SASH1: variants seen among roughly 807,000 people sequenced by gnomAD.
SASH1 encodes SAM and SH3 domain-containing protein 1.
SASH1 carries 44 observed loss-of-function variants against 125.2 expected under a neutral mutation model. That is an observed-to-expected ratio of 0.35 (90% confidence interval 0.28 to 0.45). The LOEUF (loss-of-function observed/expected upper bound fraction) is 0.45, where lower values mean the gene tolerates loss of function less well. Among genes scored for constraint, SASH1 ranks in the 20% least tolerant of loss-of-function variants. The probability of loss-of-function intolerance (pLI) is 1.00; values close to 1 mark genes in which losing one functional copy is unlikely to be tolerated. For missense variants in SASH1, 1,426 were observed against 1,614.5 expected, an observed-to-expected ratio of 0.88 and a Z score of 2.00; for synonymous variants, 639 against 649.1, an observed-to-expected ratio of 0.98 and a Z score of 0.24.
Position 148,487,687 on chromosome 6 carries a change from C to G in SASH1, c.701C>G (p.Pro234Arg). ...DPADWPDGSYPTFDGSSNCNS... is the reference protein window; with the variant it reads ...DPADWPDGSYRTFDGSSNCNS... Reference sequence around the variant, plus strand: ...GCTGACTGGCCAGATGGTTCTTACCCAACGTTTGATGGCTCATCAAACTGC... The same window carrying G: ...GCTGACTGGCCAGATGGTTCTTACCGAACGTTTGATGGCTCATCAAACTGC... Residue 234 changes from proline (P) to arginine (R), a missense_variant, in exon 8 of 20, where the codon CCA becomes CGA. Physicochemically the swap from Pro to Arg is moderately radical, Grantham distance 103. Coordinates refer to ENST00000367467, the MANE Select transcript of SASH1 (RefSeq NM_015278.5). The G allele has an allele frequency of 6.2e-7, 1 of 1,613,444 alleles. No homozygotes were observed. Among genetic ancestry groups the G allele is most frequent in the South Asian group, 1.1e-5 (1 of 91,018 alleles).
At chr6:148,401,080 A>G (rs1250510649) in intron 2 of SASH1, among the ~76,000 whole-genome samples, 2 of 152,000 alleles carry the variant, frequency 1.3e-5, no homozygotes, top group Admixed American at 6.6e-5. Context: ...TCCCACCTCT[A>G]CCAAAAACAC....
chr6:148,232,878 T>C, the SASH1 span, among the ~76,000 whole-genome samples: 1 of 152,142 alleles, frequency 6.6e-6, no homozygotes, highest in Non-Finnish European at 1.5e-5. Flanking sequence ...TTATATATAG[T>C]ACATTATCTG....
Position 148,544,638 on chromosome 6 carries a change from G to GA in SASH1, c.3168_3169insA (p.Pro1057ThrfsTer42). ...CGCCTGGCAGCCCACCAAGCACAAGGCCGCCCCCCTGGCTCTCAGAGCTCC... is the reference window on the plus strand; with the variant it reads ...CGCCTGGCAGCCCACCAAGCACAAGGACCGCCCCCCTGGCTCTCAGAGCTCC... On this transcript the variant is annotated frameshift_variant, in exon 18 of 20. Coordinates refer to ENST00000367467, the MANE Select transcript of SASH1 (RefSeq NM_015278.5). LOFTEE classifies it high-confidence loss of function. The surrounding 1 kb of genome is among the most constrained non-coding windows in gnomAD (Gnocchi z 6.4). 6.2e-7 allele frequency: 1 copy of GA among 1,613,438 alleles called. No homozygotes were observed. Among genetic ancestry groups the GA allele is most frequent in the Non-Finnish European group, 8.5e-7 (1 of 1,179,836 alleles).
the SASH1 span, among the ~76,000 whole-genome samples, chr6:148,261,447 T>C: frequency 6.6e-6 from 1 of 152,162 alleles, no homozygotes; most frequent in Non-Finnish European, 1.5e-5. Context: ...TGAATGGAAA[T>C]GCAAACAGGG....
At chr6:148,251,785 AACTC>A in the SASH1 span, among the ~76,000 whole-genome samples, 1 of 150,778 alleles carries the variant, frequency 6.6e-6, no homozygotes, top group Non-Finnish European at 1.5e-5. Context: ...TGCACCCATT[AACTC>A]ATCATTTACA....
Position 148,551,722 on chromosome 6 carries a change from GA to G in SASH1, c.*3168del, listed in dbSNP as rs1280135165. 3 of 152,684 alleles carry G rather than the reference GA, an allele frequency of 2.0e-5. No individual in the cohort carries two copies. The East Asian group carries it at 5.8e-4, about 29-fold the overall frequency. 9.5% of individuals were successfully genotyped at this position (152,684 alleles called of 1,614,324 possible). A position where few individuals can be genotyped will look rare whatever the true frequency, so the allele number is the denominator to read the frequency against. ...GTTATCTTGATTTAAAATTGATAGA[GA>G]AAAGAAACTGTCGAGCAAGTTATAT... is the stretch of plus-strand genomic sequence containing the variant. On this transcript the variant is annotated 3_prime_UTR_variant, in exon 20 of 20. Coordinates refer to ENST00000367467, the MANE Select transcript of SASH1 (RefSeq NM_015278.5).
chr6:148,406,794 GAATCA>G (rs1784394145), intron 2 of SASH1, among the ~76,000 whole-genome samples: 1 of 150,528 alleles, frequency 6.6e-6, no homozygotes, highest in Admixed American at 6.6e-5. Context: ...GGAGCAGAGA[GAATCA>G]GGCTCTCCAA....
rs541662390 is a variant in SASH1 at position 148,331,630 on chromosome 6, G to C, written n.75-58504G>C. 2.6e-5 allele frequency among the ~76,000 whole-genome samples: 4 copies of C among 151,886 alleles called. 1 individual carries two copies. The South Asian group carries it at 8.4e-4, about 32-fold the overall frequency. On this transcript the variant is annotated intron_variant and non_coding_transcript_variant, in intron 1 of 3. Transcript: ENST00000367469. ...AGGTGTCAGCCACCGCACCCAGCCA[G>C]AACTTGGTCTTTACACAGCATCAAC...
intron 4 of SASH1, among the ~76,000 whole-genome samples, chr6:148,456,735 G>A (rs562291370): frequency 2.4e-4 from 36 of 151,866 alleles, no homozygotes; most frequent in East Asian, 1.7e-3. Context: ...GGTGGTGCGC[G>A]CCTGTAGTCC....
chr6:148,547,354 G>A (rs1489999978), intron 19 of SASH1, among the ~76,000 whole-genome samples: 1 of 152,152 alleles, frequency 6.6e-6, no homozygotes, highest in Non-Finnish European at 1.5e-5. Context: ...AGGTGGGACA[G>A]AGCTGGGTGG....
intron 1 of SASH1, among the ~76,000 whole-genome samples, chr6:148,362,162 T>C (rs558760237): frequency 4.2e-4 from 64 of 151,826 alleles, no homozygotes; most frequent in African/African-American, 1.0e-3. Flanking sequence ...ATCCTGACCT[T>C]GTGATCCGCC....
intron 2 of SASH1, among the ~76,000 whole-genome samples, chr6:148,401,410 C>G (rs1784165179): frequency 6.6e-6 from 1 of 152,132 alleles, no homozygotes; most frequent in South Asian, 2.1e-4. Context: ...TAGTGTTTCA[C>G]TGCACTTCTC....
chr6:148,522,958 AAAG>A (rs1780906827), intron 10 of SASH1, among the ~76,000 whole-genome samples: 1 of 152,272 alleles, frequency 6.6e-6, no homozygotes, highest in Non-Finnish European at 1.5e-5. Flanking sequence ...CCACTGTAAA[AAAG>A]AATCAATTCC....
chr6:148,287,855 AT>A (rs2128507836), intron 1 of SASH1, among the ~76,000 whole-genome samples: 1 of 152,248 alleles, frequency 6.6e-6, no homozygotes, highest in South Asian at 2.1e-4. Context: ...CTCCCAAGCC[AT>A]TTGTGTTTCC....
At chr6:148,341,511 T>C (rs1039132499), upstream of SASH1, among the ~76,000 whole-genome samples, 9 of 152,130 alleles carry the variant, frequency 5.9e-5, no homozygotes, top group South Asian at 2.1e-4. Context: ...TTTATAAATT[T>C]AGTTACTTTT....
intron 1 of SASH1, among the ~76,000 whole-genome samples, chr6:148,284,007 C>G (rs1462605612): frequency 1.3e-5 from 2 of 151,946 alleles, no homozygotes; most frequent in Non-Finnish European, 2.9e-5. Flanking sequence ...TAGCTATAGT[C>G]CATTAGCAGG....
At chr6:148,374,708 G>GA (rs1228476607) in intron 1 of SASH1, among the ~76,000 whole-genome samples, 1 of 64,542 alleles carries the variant, frequency 1.5e-5, no homozygotes, top group Non-Finnish European at 3.4e-5. Context: ...TTTTTTTGGG[G>GA]GGGGGGGAGA....
chr6:148,476,307 C>T (rs1778343127), intron 7 of SASH1, among the ~76,000 whole-genome samples: 1 of 149,996 alleles, frequency 6.7e-6, no homozygotes, highest in Non-Finnish European at 1.5e-5. Flanking sequence ...AAGCTATTCC[C>T]TGTTCACGGA....
the SASH1 span, among the ~76,000 whole-genome samples, chr6:148,197,936 G>A: frequency 2.0e-4 from 30 of 152,030 alleles, no homozygotes; most frequent in Admixed American, 1.4e-3. Flanking sequence ...TGCAACCTCC[G>A]CCTCCCATGT....
Sources: allele counts gnomAD v4.1 joint callset (sites outside exome capture counted in the v4.1 genomes callset), GRCh38; gene constraint gnomAD v4.1.1; non-coding constraint Gnocchi (gnomAD v3.1); transcripts MANE v1.5; gene names NCBI Gene and HGNC (gene_info 2026-07-23, HGNC 2026-07-21).